The following ARL1 variants were observed in gnomAD, a reference collection of about 807,000 sequenced individuals.
The protein encoded by ARL1 is ARF like GTPase 1, also known as ADP-ribosylation factor-like protein 1.
Under a neutral mutation model 30.1 loss-of-function variants are expected in ARL1, and 17 were observed. The observed-to-expected ratio is 0.56, with a 90% CI of 0.39 to 0.85. ARL1 has a LOEUF of 0.85. ARL1 is among the 40% of genes least tolerant of loss of function. The pLI is 0.00. For missense variants in ARL1, 102 were observed against 212.6 expected (o/e 0.48, Z 3.24); for synonymous variants, 58 against 71.7 (o/e 0.81, Z 0.97).
At chr12:101,396,302 A>C in intron 5 of ARL1, 97 bp downstream of exon 5, 1 of 1,482,568 alleles carries the variant, frequency 6.7e-7, no homozygotes, top group Non-Finnish European at 9.4e-7. Flanking sequence ...AGTAAATCAA[A>C]GTTTCATCCT....
chr12:101,395,997 A>G, intron 5 of ARL1: 1 of 524,630 alleles, frequency 1.9e-6, no homozygotes, highest in Non-Finnish European at 3.4e-6. Context: ...TCAAACTTAC[A>G]AGACAGCAAA....
At chr12:101,403,281 C>A (rs1871352457) in intron 2 of ARL1, 1 of 411,472 alleles carries the variant, frequency 2.4e-6, no homozygotes, top group Non-Finnish European at 4.7e-6. Flanking sequence ...ATAATTTTAG[C>A]TCAAATAAAT....
intron 1 of ARL1, chr12:101,407,377 C>G (rs1416324574): frequency 2.3e-6 from 1 of 438,408 alleles, no homozygotes; most frequent in African/African-American, 2.0e-5. Context: ...AGAACTCGAA[C>G]CCAGGCTCTG....
intron 3 of ARL1, 90 bp from the exon 4 acceptor site, chr12:101,401,263 A>G (rs1477998097): frequency 5.1e-6 from 4 of 788,634 alleles, no homozygotes; most frequent in East Asian, 2.5e-5. Context: ...CACACATGTT[A>G]GAATCAATGC....
chr12:101,407,488 A>C, intron 1 of ARL1, 154 bp downstream of exon 1: 2 of 956,024 alleles, frequency 2.1e-6, no homozygotes, highest in Non-Finnish European at 3.1e-6. Flanking sequence ...ACCCCTACAG[A>C]TGAAGATCCA....
chr12:101,406,729 A>G (rs11616031), intron 1 of ARL1, among the ~76,000 whole-genome samples: 39,810 of 152,168 alleles, frequency 0.26, 6,236 homozygotes, highest in Non-Finnish European at 0.36. Flanking sequence ...TGAAAAATGA[A>G]CAACACCATG....
rs746749044 is a variant in ARL1, at chr12:101,402,888, A to G, written c.201T>C (p.Asp67=). Residue 67 remains aspartate, a synonymous_variant, in exon 3 of 6, where the codon GAT becomes GAC. Coordinates refer to ENST00000261636, the MANE Select transcript of ARL1 (RefSeq NM_001177.6). ...ACCTGATACTTGTCTGTCCTCCTAA[A>G]TCCCAGACTTGGAATTTAAGGTTTT... ...TYKNLKFQVW[D]LGGQTSIRPY... is the part of the protein sequence containing the mutation. The G allele has an allele frequency of 1.9e-6, 3 of 1,612,622 alleles. No individual in the cohort carries two copies. Among genetic ancestry groups the G allele is most frequent in the Non-Finnish European group, 2.5e-6 (3 of 1,178,966 alleles).
chr12:101,403,171 C>T (rs1456331130), intron 2 of ARL1: 2 of 482,626 alleles, frequency 4.1e-6, no homozygotes, highest in Non-Finnish European at 7.6e-6. Context: ...TGCTCTGCTC[C>T]CCCACACATG....
rs1871074116 is a variant in ARL1, at chr12:101,393,782, GC to G, written c.*1857del. On this transcript the variant is annotated 3_prime_UTR_variant, in exon 6 of 6. Coordinates refer to ENST00000261636, the MANE Select transcript of ARL1 (RefSeq NM_001177.6). ...CCATTTTTTGCAGTTTTCCTGGACT[GC>G]CGGGAGGCAGCTGTACAAGCTTTAT... is the stretch of plus-strand genomic sequence containing the variant. The G allele has an allele frequency of 1.3e-5, 2 of 152,132 alleles. No individual in the cohort carries two copies. 9.4% of individuals were successfully genotyped at this position (152,132 alleles called of 1,614,324 possible).
At chr12:101,396,674 TTA>T in intron 4 of ARL1, 97 bp from the exon 5 acceptor site, 1 of 892,752 alleles carries the variant, frequency 1.1e-6, no homozygotes. Context: ...TATTTTATAA[TTA>T]ATATATTACA....
At chr12:101,397,258 C>T (rs1871175596) in intron 4 of ARL1, among the ~76,000 whole-genome samples, 1 of 152,142 alleles carries the variant, frequency 6.6e-6, no homozygotes, top group Admixed American at 6.6e-5. Flanking sequence ...GAATTATTTA[C>T]TTTTCCAAAC....
Position 101,399,117 on chromosome 12 carries a change from T to TA in ARL1, c.336+1944dup, listed in dbSNP as rs563286763. ...TTATAATAAATATAATGCTATGATG[T>TA]AAAAAAAAAAAAATTAACCAAATGT... is the stretch of plus-strand genomic sequence containing the variant. On this transcript the variant is annotated intron_variant, in intron 4 of 5. Coordinates refer to ENST00000261636, the MANE Select transcript of ARL1 (RefSeq NM_001177.6). 8.8e-3 allele frequency among the ~76,000 whole-genome samples: 1,272 copies of TA among 145,202 alleles called. 4 individuals are homozygous for TA. Among genetic ancestry groups the TA allele is most frequent in the Middle Eastern group, 0.021 (6 of 288 alleles).
At chr12:101,405,744 C>A in intron 2 of ARL1, 100 bp downstream of exon 2, 1 of 1,297,058 alleles carries the variant, frequency 7.7e-7, no homozygotes, top group South Asian at 1.8e-5. Flanking sequence ...AGTGATGATA[C>A]CTGATCTCTA....
intron 4 of ARL1, among the ~76,000 whole-genome samples, chr12:101,399,526 A>T (rs1283607812): frequency 3.2e-5 from 2 of 61,654 alleles, no homozygotes; most frequent in Middle Eastern, 8.3e-3. Context: ...AAAAAAAAAA[A>T]AAAAAAAAAA....
intron 5 of ARL1, 47 bp downstream of exon 5, chr12:101,396,352 C>A: frequency 6.2e-7 from 1 of 1,609,540 alleles, no homozygotes; most frequent in Non-Finnish European, 8.5e-7. Flanking sequence ...TGCATAGCTG[C>A]AAGCACACAC....
intron 4 of ARL1, among the ~76,000 whole-genome samples, chr12:101,399,589 A>ATCAAC (rs1436557435): frequency 3.6e-4 from 54 of 151,482 alleles, no homozygotes; most frequent in African/African-American, 1.3e-3. Context: ...TTACCTAGGT[A>ATCAAC]TCAACTGGCC....
intron 2 of ARL1, among the ~76,000 whole-genome samples, chr12:101,405,244 A>G (rs10467015): frequency 0.025 from 3,758 of 152,316 alleles, 167 homozygotes; most frequent in African/African-American, 0.086. Context: ...AAAAGTAATC[A>G]ATATAATTAC....
At position 101,396,227 on chromosome 12, in the gene ARL1, G is replaced by A. The variant is rs866474398; in HGVS notation, c.515+172C>T. On this transcript the variant is annotated intron_variant, in intron 5 of 5. Transcript: ENST00000261636. ...ACTGTAATCAGGTAGGTGTGGTTGA[G>A]AAGACAGATGCACCTGAAGACCAGT... 4.1e-5 allele frequency: 33 copies of A among 809,586 alleles called. 1 individual carries two copies. The Middle Eastern group carries it at 5.0e-3, about 122-fold the overall frequency. 50.2% of individuals were successfully genotyped at this position (809,586 alleles called of 1,614,324 possible). A position where few individuals can be genotyped will look rare whatever the true frequency, so the allele number is the denominator to read the frequency against.
chr12:101,399,508 C>CTA (rs558025180), intron 4 of ARL1, among the ~76,000 whole-genome samples: 1,309 of 67,078 alleles, frequency 0.02, 38 homozygotes, highest in Admixed American at 0.11. Context: ...AAGACTCTGT[C>CTA]TAAAAAAAAA....
Sources: gnomAD v4.1 joint callset for allele counts (sites outside exome capture counted in the v4.1 genomes callset) on GRCh38, gnomAD v4.1.1 for gene constraint, MANE v1.5 for transcripts, NCBI Gene and HGNC (gene_info 2026-07-23, HGNC 2026-07-21) for gene names.